Variants in MAPKAP1 observed in about 807,000 individuals in gnomAD.
MAPKAP1 encodes target of rapamycin complex 2 subunit MAPKAP1.
Under a neutral mutation model 65.7 loss-of-function variants are expected in MAPKAP1, and 20 were observed. That is an observed-to-expected ratio of 0.30 (90% CI 0.21 to 0.44). The LOEUF (loss-of-function observed/expected upper bound fraction) is 0.44, where lower values mean the gene tolerates loss of function less well. Among genes scored for constraint, MAPKAP1 ranks in the 20% least tolerant of loss-of-function variants. The probability of loss-of-function intolerance (pLI) is 1.00; values close to 1 mark genes in which losing one functional copy is unlikely to be tolerated. For missense variants in MAPKAP1, 423 were observed against 648.0 expected (o/e 0.65, Z 3.77); for synonymous variants, 222 against 244.3 (o/e 0.91, Z 0.85).
chr9:125,517,525 A>G (rs1829497998), intron 7 of MAPKAP1, among the ~76,000 whole-genome samples: 1 of 152,202 alleles, frequency 6.6e-6, no homozygotes, highest in Non-Finnish European at 1.5e-5. Context: ...GTGATAGAAA[A>G]CATTTACTGG....
At chr9:125,585,196 T>C (rs149966496) in intron 5 of MAPKAP1, among the ~76,000 whole-genome samples, 8 of 152,152 alleles carry the variant, frequency 5.3e-5, no homozygotes, top group South Asian at 4.2e-4. Context: ...GAGGATCAAA[T>C]GAGATTCCAG....
At chr9:125,698,288 A>AATAT (rs57303829) in intron 1 of MAPKAP1, among the ~76,000 whole-genome samples, 559 of 48,546 alleles carry the variant, frequency 0.012, 3 homozygotes, top group Non-Finnish European at 0.013. Flanking sequence ...AATATATATA[A>AATAT]ATATATATAT....
intron 4 of MAPKAP1, among the ~76,000 whole-genome samples, chr9:125,653,581 G>C (rs1156556629): frequency 6.6e-6 from 1 of 152,178 alleles, no homozygotes; most frequent in Non-Finnish European, 1.5e-5. Flanking sequence ...CATTTCTCAA[G>C]TTCCTTCAGC....
intron 8 of MAPKAP1, among the ~76,000 whole-genome samples, chr9:125,494,645 T>C (rs997235305): frequency 6.6e-6 from 1 of 152,212 alleles, no homozygotes; most frequent in African/African-American, 2.4e-5. Flanking sequence ...CAGTCTCATC[T>C]TTCAGCACAC....
At chr9:125,683,762 A>G (rs1278378846) in intron 1 of MAPKAP1, among the ~76,000 whole-genome samples, 2 of 152,214 alleles carry the variant, frequency 1.3e-5, no homozygotes, top group Admixed American at 1.3e-4. Context: ...TAAGCAGATA[A>G]GTTTGTGGTA....
intron 5 of MAPKAP1, chr9:125,568,613 A>G (rs1042031708): frequency 5.9e-5 from 9 of 152,354 alleles, no homozygotes; most frequent in African/African-American, 2.2e-4. Context: ...CAGAGGTTGG[A>G]TTAAAGATGA....
intron 4 of MAPKAP1, among the ~76,000 whole-genome samples, chr9:125,638,246 A>G (rs1833481696): frequency 6.6e-6 from 1 of 152,206 alleles, no homozygotes; most frequent in South Asian, 2.1e-4. Flanking sequence ...AAGAGAGGGG[A>G]CATGAAGCAG....
chr9:125,591,505 C>G (rs535323085), intron 4 of MAPKAP1, among the ~76,000 whole-genome samples: 14 of 152,194 alleles, frequency 9.2e-5, no homozygotes, highest in African/African-American at 3.4e-4. Context: ...TTACTACCCT[C>G]TATTTCATAG....
At chr9:125,658,479 A>G (rs973785282) in intron 3 of MAPKAP1, among the ~76,000 whole-genome samples, 1 of 152,206 alleles carries the variant, frequency 6.6e-6, no homozygotes, top group Non-Finnish European at 1.5e-5. Context: ...GCGTTATCTC[A>G]GATTTGTCAA....
chr9:125,471,093 C>T (rs943334146), intron 9 of MAPKAP1: 3 of 152,230 alleles, frequency 2.0e-5, no homozygotes, highest in Non-Finnish European at 1.5e-5. Context: ...CCTCTTAACA[C>T]TTGTGTGAGT....
At chr9:125,469,415 AACAAAT>A (rs1394256099) in intron 9 of MAPKAP1, among the ~76,000 whole-genome samples, 1 of 152,242 alleles carries the variant, frequency 6.6e-6, no homozygotes, top group Non-Finnish European at 1.5e-5. Context: ...AAATTAAAAA[AACAAAT>A]ACAAACAAAA....
intron 2 of MAPKAP1, among the ~76,000 whole-genome samples, chr9:125,670,768 A>G (rs987242583): frequency 5.3e-5 from 8 of 152,230 alleles, no homozygotes; most frequent in African/African-American, 1.9e-4. Context: ...AGAGACCACA[A>G]TAAAAAAGAA....
chr9:125,450,273 C>T (rs1852892555), intron 10 of MAPKAP1, among the ~76,000 whole-genome samples: 1 of 152,120 alleles, frequency 6.6e-6, no homozygotes, highest in South Asian at 2.1e-4. Flanking sequence ...TAAAAATAAA[C>T]CTGTTTCTTT....
At chr9:125,505,719 A>G (rs1378758819) in intron 8 of MAPKAP1, among the ~76,000 whole-genome samples, 1 of 152,218 alleles carries the variant, frequency 6.6e-6, no homozygotes, top group Non-Finnish European at 1.5e-5. Flanking sequence ...GCCTGTGTAA[A>G]AGCCTCGAAG....
chr9:125,629,716 T>G (rs1833221055), intron 4 of MAPKAP1, among the ~76,000 whole-genome samples: 1 of 152,210 alleles, frequency 6.6e-6, no homozygotes, highest in Admixed American at 6.5e-5. Context: ...ACTACCATAT[T>G]GAACACTTAA....
intron 7 of MAPKAP1, among the ~76,000 whole-genome samples, chr9:125,518,153 T>G (rs929831521): frequency 3.9e-5 from 6 of 152,222 alleles, no homozygotes; most frequent in Non-Finnish European, 8.8e-5. Context: ...ATGATGTATG[T>G]TCAAAGATGT....
intron 7 of MAPKAP1, among the ~76,000 whole-genome samples, chr9:125,541,521 G>A (rs144302008): frequency 3.3e-5 from 5 of 152,174 alleles, no homozygotes; most frequent in African/African-American, 1.2e-4. Context: ...GATCCGAAAG[G>A]GTGAATGCCT....
chr9:125,637,227 C>A (rs958464778), intron 4 of MAPKAP1, among the ~76,000 whole-genome samples: 12 of 151,910 alleles, frequency 7.9e-5, no homozygotes, highest in Non-Finnish European at 1.5e-4. Context: ...TGAGATCACA[C>A]CACTGCACTC....
chr9:125,487,643 A>T (rs1001035411), intron 8 of MAPKAP1, among the ~76,000 whole-genome samples: 18 of 150,736 alleles, frequency 1.2e-4, no homozygotes, highest in African/African-American at 4.1e-4. Context: ...ACCCACACTT[A>T]AGATTTTTAC....
Sources: gnomAD v4.1 joint callset for allele counts (sites outside exome capture counted in the v4.1 genomes callset) on GRCh38, gnomAD v4.1.1 for gene constraint, MANE v1.5 for transcripts, NCBI Gene and HGNC (gene_info 2026-07-23, HGNC 2026-07-21) for gene names.